The following ENPP1 variants were observed in gnomAD, a reference collection of about 807,000 sequenced individuals.
The protein encoded by ENPP1 is ectonucleotide pyrophosphatase/phosphodiesterase 1.
In ENPP1, 73 loss-of-function variants were observed where a neutral mutation model predicts 122.8. The ratio of observed to expected loss-of-function variants is 0.59; its 90% CI spans 0.49 to 0.72. The LOEUF (loss-of-function observed/expected upper bound fraction) is 0.72, where lower values mean the gene tolerates loss of function less well. Ranked by LOEUF, ENPP1 falls within the 30% of genes least tolerant of loss-of-function variation. The pLI is 0.00. For synonymous variants in ENPP1, 367 were observed against 391.6 expected, an observed-to-expected ratio of 0.94 and a Z score of 0.74; for missense variants, 978 against 1,128.1, an observed-to-expected ratio of 0.87 and a Z score of 1.91.
In ENPP1 at chr6:131,878,114, T is replaced by A. The variant is rs185447779; in HGVS notation, c.1894-428T>A. Reference sequence around the variant, plus strand: ...CTTTTCATCAAAAATGTAACTTCTGTCCAGGCATGGTGTACCACACCTGTA... The same window carrying A: ...CTTTTCATCAAAAATGTAACTTCTGACCAGGCATGGTGTACCACACCTGTA... On this transcript the variant is annotated intron_variant, in intron 18 of 24. Transcript: ENST00000647893. Among the ~76,000 whole-genome samples the A allele has an allele frequency of 1.9e-3, 282 of 151,828 alleles. 2 individuals are homozygous for A. The highest frequency in any genetic ancestry group is 3.1e-4 in the Non-Finnish European group (21 of 67,928).
At position 131,847,762 on chromosome 6, in the gene ENPP1, T is replaced by C; in HGVS notation, c.241-14T>C. The C allele has an allele frequency of 3.2e-6, 5 of 1,581,292 alleles. No individual in the cohort carries two copies. Among genetic ancestry groups the C allele is most frequent in the East Asian group, 4.5e-5 (2 of 44,610 alleles). On this transcript the variant is annotated splice_polypyrimidine_tract_variant and intron_variant, in intron 1 of 24. Coordinates refer to ENST00000647893, the MANE Select transcript of ENPP1 (RefSeq NM_006208.3). ...AAAAAAGAAACCATGTAATTTTCTC[T>C]TTTCTCCCTACAGGTATTGTCAGTA...
intron 1 of ENPP1, among the ~76,000 whole-genome samples, chr6:131,839,668 C>T (rs1411115816): frequency 1.3e-5 from 2 of 152,226 alleles, no homozygotes; most frequent in East Asian, 1.9e-4. Flanking sequence ...CTTGTAAGCC[C>T]ATCCATCAAG....
chr6:131,813,714 T>TA (rs1330620398), intron 1 of ENPP1, among the ~76,000 whole-genome samples: 1 of 152,182 alleles, frequency 6.6e-6, no homozygotes, highest in African/African-American at 2.4e-5. Context: ...GGTCAATTGT[T>TA]ACGCCTCAAC....
At chr6:131,835,190 C>G (rs1259662176) in intron 1 of ENPP1, among the ~76,000 whole-genome samples, 1 of 152,128 alleles carries the variant, frequency 6.6e-6, no homozygotes, top group Non-Finnish European at 1.5e-5. Context: ...GTGTAATTTA[C>G]TTACAGTTTA....
At chr6:131,862,853 G>A (rs1782041279) in intron 9 of ENPP1, among the ~76,000 whole-genome samples, 1 of 151,988 alleles carries the variant, frequency 6.6e-6, no homozygotes, top group African/African-American at 2.4e-5. Flanking sequence ...TAGCTAATTT[G>A]TTAGTCCTAC....
intron 1 of ENPP1, among the ~76,000 whole-genome samples, chr6:131,847,534 A>G (rs1480295588): frequency 6.6e-6 from 1 of 152,198 alleles, no homozygotes; most frequent in East Asian, 1.9e-4. Flanking sequence ...ATTTGGAGAA[A>G]TAAAAGGATT....
In ENPP1 at chr6:131,871,815, A is replaced by G. The variant is rs9493115; in HGVS notation, c.1406-255A>G. ...AATGGATATGTGGGTTAAGAGATGG[A>G]TGGATAGGTAGATGTTCTGTAACTT... On this transcript the variant is annotated intron_variant, in intron 13 of 24. Coordinates refer to ENST00000647893, the MANE Select transcript of ENPP1 (RefSeq NM_006208.3). Among the ~76,000 whole-genome samples, 1,855 of 152,254 alleles carry G rather than the reference A, an allele frequency of 0.012. 41 individuals are homozygous for G. Among genetic ancestry groups the G allele is most frequent in the African/African-American group, 0.041 (1,719 of 41,550 alleles).
intron 24 of ENPP1, among the ~76,000 whole-genome samples, chr6:131,889,159 TTA>T (rs1301732310): frequency 6.6e-6 from 1 of 152,208 alleles, no homozygotes; most frequent in Non-Finnish European, 1.5e-5. Context: ...GAATCAAGAC[TTA>T]TATGTTAAAT....
chr6:131,844,647 G>A (rs1562517800), intron 1 of ENPP1, among the ~76,000 whole-genome samples: 1 of 152,224 alleles, frequency 6.6e-6, no homozygotes, highest in East Asian at 1.9e-4. Context: ...CAAAGTAAAT[G>A]GAGTTATGGA....
At chr6:131,842,367 T>G (rs1456235715) in intron 1 of ENPP1, among the ~76,000 whole-genome samples, 2 of 152,196 alleles carry the variant, frequency 1.3e-5, no homozygotes, top group Non-Finnish European at 1.5e-5. Flanking sequence ...CACTATGTCA[T>G]TTCTTAGGTT....
intron 1 of ENPP1, among the ~76,000 whole-genome samples, chr6:131,840,920 A>G (rs186596286): frequency 6.6e-6 from 1 of 152,246 alleles, no homozygotes; most frequent in African/African-American, 2.4e-5. Context: ...AGAGATTGTG[A>G]GATTTGTCCC....
intron 1 of ENPP1, among the ~76,000 whole-genome samples, chr6:131,811,517 T>C (rs770862801): frequency 3.2e-4 from 48 of 152,236 alleles, no homozygotes; most frequent in Middle Eastern, 6.8e-3. Flanking sequence ...TAGATGCTCC[T>C]ATTAGCAGCA....
chr6:131,885,113 A>G (rs1429407445), intron 23 of ENPP1, 50 bp downstream of exon 23: 3 of 1,581,078 alleles, frequency 1.9e-6, no homozygotes, highest in South Asian at 2.2e-5. Flanking sequence ...CATCCAGTAG[A>G]AATGGGATTA....
chr6:131,832,038 G>T (rs1054511147), intron 1 of ENPP1, among the ~76,000 whole-genome samples: 1 of 151,938 alleles, frequency 6.6e-6, no homozygotes, highest in Non-Finnish European at 1.5e-5. Context: ...TCATGTTTTT[G>T]CTTAACTTGT....
chr6:131,882,498 T>G (rs1782324434), intron 21 of ENPP1, 24 bp downstream of exon 21: 1 of 1,572,242 alleles, frequency 6.4e-7, no homozygotes, highest in South Asian at 1.1e-5. Flanking sequence ...TCTCCTGACC[T>G]TCCCTTTTCT....
chr6:131,858,543 C>G, intron 6 of ENPP1, 125 bp from the exon 7 acceptor site: 1 of 652,448 alleles, frequency 1.5e-6, no homozygotes, highest in Non-Finnish European at 2.8e-6. Flanking sequence ...GAATTTTTAT[C>G]TGATTAAAAT....
At chr6:131,832,435 A>T (rs775889418) in intron 1 of ENPP1, among the ~76,000 whole-genome samples, 1 of 152,214 alleles carries the variant, frequency 6.6e-6, no homozygotes, top group Non-Finnish European at 1.5e-5. Flanking sequence ...GAAGCTGGCC[A>T]GATGTGCACT....
At chr6:131,847,984 G>A (rs1397726501) in intron 2 of ENPP1, 136 bp downstream of exon 2, 6 of 646,662 alleles carry the variant, frequency 9.3e-6, no homozygotes, top group Admixed American at 2.7e-5. Context: ...TCAATTCAAC[G>A]CTGGCTTGAG....
chr6:131,834,616 C>T (rs570390820), intron 1 of ENPP1, among the ~76,000 whole-genome samples: 34 of 151,994 alleles, frequency 2.2e-4, no homozygotes, highest in East Asian at 7.7e-4. Context: ...TTGCAACCTC[C>T]GCCTCCTGGG....
Sources: allele counts gnomAD v4.1 joint callset (sites outside exome capture counted in the v4.1 genomes callset), GRCh38; gene constraint gnomAD v4.1.1; transcripts MANE v1.5; gene names NCBI Gene and HGNC (gene_info 2026-07-23, HGNC 2026-07-21).